The following SYT1 variants were observed in gnomAD, a reference collection of about 807,000 sequenced individuals.
SYT1 encodes the protein synaptotagmin-1.
A neutral mutation model predicts 44.8 loss-of-function variants in SYT1; 8 were observed. That is an observed-to-expected ratio of 0.18 (90% CI 0.10 to 0.32). The LOEUF is 0.32. SYT1 is among the 10% of genes least tolerant of loss of function. The pLI is 1.00. For synonymous variants in SYT1, 154 were observed against 188.8 expected (o/e 0.82, Z 1.51); for missense variants, 286 against 509.3 (o/e 0.56, Z 4.22).
At chr12:79,316,551 A>AGGTAATAGTCCT (rs544949267) in intron 8 of SYT1, among the ~76,000 whole-genome samples, 9 of 152,204 alleles carry the variant, frequency 5.9e-5, no homozygotes, top group Non-Finnish European at 1.3e-4. Flanking sequence ...CCAGGACCCC[A>AGGTAATAGTCCT]GGTAATAGTC....
At chr12:79,088,351 T>C (rs534009240) in intron 3 of SYT1, among the ~76,000 whole-genome samples, 1 of 151,994 alleles carries the variant, frequency 6.6e-6, no homozygotes, top group Non-Finnish European at 1.5e-5. Context: ...AAACTGACAA[T>C]AGACAGGTTA....
intron 3 of SYT1, among the ~76,000 whole-genome samples, chr12:79,157,945 C>T (rs886346055): frequency 6.6e-6 from 1 of 152,016 alleles, no homozygotes; most frequent in African/African-American, 2.4e-5. Context: ...GCAGCTGACT[C>T]CAGAGTCCAC....
At chr12:79,033,207 T>A (rs543283328) in intron 2 of SYT1, among the ~76,000 whole-genome samples, 4 of 151,410 alleles carry the variant, frequency 2.6e-5, no homozygotes, top group African/African-American at 9.6e-5. Flanking sequence ...ATTCATTGTA[T>A]CATTTCATGG....
At chr12:79,016,135 AAGAC>A (rs1184990398) in intron 2 of SYT1, among the ~76,000 whole-genome samples, 5 of 152,192 alleles carry the variant, frequency 3.3e-5, no homozygotes, top group Non-Finnish European at 5.9e-5. Flanking sequence ...CGCAAAGAGA[AAGAC>A]AGTTAAAAAC....
At chr12:79,042,794 TGAA>T (rs1240460062) in intron 2 of SYT1, among the ~76,000 whole-genome samples, 2 of 150,434 alleles carry the variant, frequency 1.3e-5, no homozygotes, top group African/African-American at 4.8e-5. Flanking sequence ...CACACTGCTT[TGAA>T]TGTGTCCCAG....
At chr12:79,349,353 T>C (rs116116007) in intron 8 of SYT1, among the ~76,000 whole-genome samples, 1,686 of 152,134 alleles carry the variant, frequency 0.011, 36 homozygotes, top group African/African-American at 0.039. Flanking sequence ...AAAGAATAGT[T>C]GAGGGGAGGG....
intron 3 of SYT1, among the ~76,000 whole-genome samples, chr12:79,186,016 A>G (rs943406286): frequency 6.6e-6 from 1 of 151,956 alleles, no homozygotes; most frequent in Non-Finnish European, 1.5e-5. Flanking sequence ...TCTTTGTTCA[A>G]GAAGCTGCTT....
intron 3 of SYT1, among the ~76,000 whole-genome samples, chr12:79,063,783 G>A (rs1875558078): frequency 6.6e-6 from 1 of 152,042 alleles, no homozygotes; most frequent in Admixed American, 6.6e-5. Flanking sequence ...TACAGTAACA[G>A]GTACACTACC....
At chr12:79,119,487 T>C (rs2138126269) in intron 3 of SYT1, among the ~76,000 whole-genome samples, 1 of 152,202 alleles carries the variant, frequency 6.6e-6, no homozygotes, top group East Asian at 1.9e-4. Context: ...GTGTTTTTTT[T>C]TTAGTCATAA....
At chr12:79,039,763 C>A (rs181926004) in intron 2 of SYT1, among the ~76,000 whole-genome samples, 2 of 134,532 alleles carry the variant, frequency 1.5e-5, no homozygotes, top group Admixed American at 7.5e-5. Context: ...CCAATGCTAT[C>A]CCTTCCCCCT....
intron 9 of SYT1, among the ~76,000 whole-genome samples, chr12:79,390,956 T>C (rs1215593618): frequency 6.6e-6 from 1 of 152,142 alleles, no homozygotes; most frequent in Non-Finnish European, 1.5e-5. Flanking sequence ...ATTCCTGCCA[T>C]CTGTGTGGGA....
At chr12:78,896,025 G>T (rs1875339263) in intron 1 of SYT1, among the ~76,000 whole-genome samples, 1 of 151,606 alleles carries the variant, frequency 6.6e-6, no homozygotes, top group Non-Finnish European at 1.5e-5. Flanking sequence ...TTTAAAGCTG[G>T]GTGGTGCATA....
At chr12:78,968,874 A>G (rs138745968) in intron 1 of SYT1, among the ~76,000 whole-genome samples, 226 of 152,320 alleles carry the variant, frequency 1.5e-3, no homozygotes, top group African/African-American at 4.3e-3. Flanking sequence ...TGCTGGTATC[A>G]TGTGTGTGAA....
intron 3 of SYT1, among the ~76,000 whole-genome samples, chr12:79,112,697 A>T (rs949480566): frequency 2.0e-5 from 3 of 152,144 alleles, no homozygotes; most frequent in Non-Finnish European, 4.4e-5. Context: ...TATTCCCTCA[A>T]ATAGATAAAA....
chr12:79,374,054 A>C (rs1372924584), intron 9 of SYT1, among the ~76,000 whole-genome samples: 1 of 152,206 alleles, frequency 6.6e-6, no homozygotes, highest in Non-Finnish European at 1.5e-5. Context: ...AATAAAGTGC[A>C]GGCCCCTCTG....
chr12:79,089,320 C>A (rs1221026370), intron 3 of SYT1, among the ~76,000 whole-genome samples: 1 of 151,898 alleles, frequency 6.6e-6, no homozygotes, highest in African/African-American at 2.4e-5. Context: ...TCAAAACAAG[C>A]TGATTTGAGC....
intron 4 of SYT1, among the ~76,000 whole-genome samples, chr12:79,257,861 G>A (rs190924311): frequency 6.6e-6 from 1 of 152,226 alleles, no homozygotes; most frequent in East Asian, 1.9e-4. Context: ...CATCCCCTTT[G>A]ATATACTGGG....
At chr12:79,153,889 C>A (rs747371099) in intron 3 of SYT1, among the ~76,000 whole-genome samples, 2 of 151,978 alleles carry the variant, frequency 1.3e-5, no homozygotes, top group Non-Finnish European at 2.9e-5. Context: ...AACATGTACC[C>A]ACATGGAAAT....
chr12:79,349,033 A>AGG (rs1555219952), intron 8 of SYT1, among the ~76,000 whole-genome samples: 2 of 120,212 alleles, frequency 1.7e-5, no homozygotes, highest in African/African-American at 6.5e-5. Context: ...GAAAGAAAGA[A>AGG]AAAGAAAGAA....
Sources: allele counts gnomAD v4.1 joint callset (sites outside exome capture counted in the v4.1 genomes callset), GRCh38; gene constraint gnomAD v4.1.1; transcripts MANE v1.5; gene names NCBI Gene and HGNC (gene_info 2026-07-23, HGNC 2026-07-21).